Variants in ARHGAP8 observed in about 807,000 individuals in gnomAD.
The protein encoded by ARHGAP8 is Rho GTPase activating protein 8, also known as rho GTPase-activating protein 8.
ARHGAP8 carries 62 observed loss-of-function variants against 46.1 expected under a neutral mutation model. The observed-to-expected ratio is 1.34, with a 90% CI of 1.10 to 1.66. The LOEUF is 1.66. Ranked by LOEUF, ARHGAP8 falls within the 40% of genes most tolerant of loss-of-function variation. The probability of loss-of-function intolerance (pLI) is 0.00; values close to 1 mark genes in which losing one functional copy is unlikely to be tolerated. For synonymous variants in ARHGAP8, 375 were observed against 243.1 expected (o/e 1.54, Z -5.05); for missense variants, 923 against 568.4 (o/e 1.62, Z -6.34).
chr22:44,857,820 A>G (rs1033902870), intron 10 of ARHGAP8, among the ~76,000 whole-genome samples: 2 of 152,010 alleles, frequency 1.3e-5, no homozygotes, highest in African/African-American at 2.4e-5. Flanking sequence ...TCCTCTCTCT[A>G]CACTGGGGTG....
intron 7 of ARHGAP8, among the ~76,000 whole-genome samples, chr22:44,841,707 G>C (rs1931663611): frequency 1.3e-5 from 2 of 152,242 alleles, no homozygotes; most frequent in Admixed American, 1.3e-4. Context: ...TTGGTACCGG[G>C]CTGAAGAAGT....
chr22:44,764,048 A>G (rs1925360892), intron 1 of ARHGAP8, among the ~76,000 whole-genome samples: 1 of 152,052 alleles, frequency 6.6e-6, no homozygotes. Flanking sequence ...TCCTGACCTC[A>G]TGATCCGCCC....
intron 1 of ARHGAP8, among the ~76,000 whole-genome samples, chr22:44,763,153 A>C (rs1029945543): frequency 6.6e-6 from 1 of 152,098 alleles, no homozygotes; most frequent in African/African-American, 2.4e-5. Flanking sequence ...TCCTTTTTTC[A>C]GTGCCTGCTC....
At chr22:44,837,027 G>T (rs1021919441) in intron 7 of ARHGAP8, among the ~76,000 whole-genome samples, 1 of 152,116 alleles carries the variant, frequency 6.6e-6, no homozygotes, top group African/African-American at 2.4e-5. Flanking sequence ...TGGGACTACA[G>T]GCGCGTGCCA....
At chr22:44,780,925 G>T (rs1926799706) in intron 1 of ARHGAP8, among the ~76,000 whole-genome samples, 1 of 152,138 alleles carries the variant, frequency 6.6e-6, no homozygotes, top group Non-Finnish European at 1.5e-5. Context: ...AATAAACTGA[G>T]GCTCAGAGGC....
At chr22:44,843,498 G>A (rs1209876643) in intron 7 of ARHGAP8, among the ~76,000 whole-genome samples, 1 of 152,112 alleles carries the variant, frequency 6.6e-6, no homozygotes, top group Non-Finnish European at 1.5e-5. Flanking sequence ...AGTAGTATGA[G>A]GCTTAAAACA....
At chr22:44,782,791 G>A (rs1181321318) in intron 1 of ARHGAP8, among the ~76,000 whole-genome samples, 1 of 152,174 alleles carries the variant, frequency 6.6e-6, no homozygotes, top group Non-Finnish European at 1.5e-5. Flanking sequence ...GAGCAGTGCT[G>A]CTCTGAGCAT....
At chr22:44,861,612 TC>T (rs1281172250) in intron 11 of ARHGAP8, among the ~76,000 whole-genome samples, 2 of 152,058 alleles carry the variant, frequency 1.3e-5, no homozygotes, top group Admixed American at 6.6e-5. Flanking sequence ...TGACTGAGGT[TC>T]CCCCCAGCTT....
In ARHGAP8 at chr22:44,840,237, AAC is replaced by A. The variant is rs1931561857; in HGVS notation, c.597-5028_597-5027del. On this transcript the variant is annotated intron_variant, in intron 7 of 11. Coordinates refer to ENST00000356099, the MANE Select transcript of ARHGAP8 (RefSeq NM_181335.3). ...GGCTGCTGTCACAGTGGCTTAAAGT[AAC>A]ACATATTTATTTTCTTGCGATTCTG... Among the ~76,000 whole-genome samples the A allele has an allele frequency of 3.3e-5, 5 of 152,334 alleles. No homozygotes were observed. The South Asian group carries it at 8.3e-4, about 25-fold the overall frequency.
At chr22:44,810,259 TGAGACAGAG>T (rs1929242229) in intron 4 of ARHGAP8, among the ~76,000 whole-genome samples, 1 of 131,526 alleles carries the variant, frequency 7.6e-6, no homozygotes, top group Non-Finnish European at 1.7e-5. Context: ...TTTTTTTTTT[TGAGACAGAG>T]TCTCATTCTA....
chr22:44,780,153 T>C (rs1926737514), intron 1 of ARHGAP8, among the ~76,000 whole-genome samples: 1 of 152,096 alleles, frequency 6.6e-6, no homozygotes, highest in Non-Finnish European at 1.5e-5. Flanking sequence ...AGTTTTTGAG[T>C]AGATAATATA....
intron 2 of ARHGAP8, among the ~76,000 whole-genome samples, chr22:44,789,588 C>G (rs1927515332): frequency 6.6e-6 from 1 of 152,146 alleles, no homozygotes; most frequent in Non-Finnish European, 1.5e-5. Context: ...GCCTCTACCT[C>G]CCTCGGCTCA....
chr22:44,841,377 A>G (rs551150330), intron 7 of ARHGAP8, among the ~76,000 whole-genome samples: 50 of 152,274 alleles, frequency 3.3e-4, no homozygotes, highest in African/African-American at 1.2e-3. Flanking sequence ...CCTGGGAGGC[A>G]GGTGCTAGTA....
At chr22:44,820,179 G>A (rs1380333910) in intron 5 of ARHGAP8, among the ~76,000 whole-genome samples, 1 of 152,240 alleles carries the variant, frequency 6.6e-6, no homozygotes, top group East Asian at 1.9e-4. Flanking sequence ...GCCGTGTTGG[G>A]AGCCCCTGGC....
intron 2 of ARHGAP8, among the ~76,000 whole-genome samples, chr22:44,788,359 T>A (rs1927429863): frequency 6.6e-6 from 1 of 152,068 alleles, no homozygotes; most frequent in South Asian, 2.1e-4. Context: ...CCTCAGGTGA[T>A]CAACCTGCCT....
At chr22:44,759,677 T>G (rs1051418815) in intron 1 of ARHGAP8, among the ~76,000 whole-genome samples, 5 of 152,192 alleles carry the variant, frequency 3.3e-5, no homozygotes, top group Non-Finnish European at 7.3e-5. Flanking sequence ...ATCTTCTGTC[T>G]CAGAAGTATC....
intron 10 of ARHGAP8, among the ~76,000 whole-genome samples, chr22:44,853,538 G>A (rs1223872806): frequency 2.0e-5 from 3 of 152,126 alleles, no homozygotes; most frequent in African/African-American, 4.8e-5. Flanking sequence ...TCTCTGTACC[G>A]TTGCTTCTCT....
chr22:44,858,468 A>G (rs2070307169), intron 10 of ARHGAP8, among the ~76,000 whole-genome samples: 1 of 148,924 alleles, frequency 6.7e-6, no homozygotes, highest in African/African-American at 2.5e-5. Context: ...TCTGAGTTCA[A>G]GCAATTCTCC....
chr22:44,858,172 C>T (rs1238893245), intron 10 of ARHGAP8, among the ~76,000 whole-genome samples: 4 of 152,142 alleles, frequency 2.6e-5, no homozygotes, highest in South Asian at 2.1e-4. Flanking sequence ...GTCTTGTGTC[C>T]TGGCAGTGGG....
Sources: gnomAD v4.1 joint callset for allele counts (sites outside exome capture counted in the v4.1 genomes callset) on GRCh38, gnomAD v4.1.1 for gene constraint, MANE v1.5 for transcripts, NCBI Gene and HGNC (gene_info 2026-07-23, HGNC 2026-07-21) for gene names.